Variants in SP110 observed in about 807,000 individuals in gnomAD.
The protein encoded by SP110 is interferon-induced protein 41, 30kD.
SP110 carries 62 observed loss-of-function variants against 92.7 expected under a neutral mutation model. That is an observed-to-expected ratio of 0.67 (90% CI 0.55 to 0.83). SP110 has a LOEUF of 0.83. Among genes scored for constraint, SP110 ranks in the 40% least tolerant of loss-of-function variants. The pLI, the probability that SP110 is intolerant of heterozygous loss-of-function variation, is 0.00. For synonymous variants in SP110, 273 were observed against 305.3 expected (o/e 0.89, Z 1.10); for missense variants, 793 against 863.9 (o/e 0.92, Z 1.03).
chr2:230,209,746 G>A (rs1242087749), intron 7 of SP110, among the ~76,000 whole-genome samples, 185 bp downstream of exon 7: 2 of 152,178 alleles, frequency 1.3e-5, no homozygotes, highest in Non-Finnish European at 2.9e-5. Flanking sequence ...ATGCCTTCTG[G>A]TTTCCTGATA....
chr2:230,211,540 G>A lies in SP110; in HGVS notation c.681C>T (p.Asn227=). The change falls in exon 6 of 19, where the codon AAC becomes AAT. Residue 227 remains asparagine (N), a synonymous_variant. Coordinates refer to ENST00000258381, the MANE Select transcript of SP110 (RefSeq NM_080424.4). This position sits in a 1 kb window ranked among gnomAD's most constrained non-coding sequence, Gnocchi z 4.2. ...LTSTVQVASD[N]LIPQIRDKED... is the part of the protein sequence containing the mutation. ...CTTTATCTCTTATTTGGGGGATCAG[G>A]TTGTCACTGGCCACTGAATGGAGGA... is the stretch of plus-strand genomic sequence containing the variant. 2 of 1,606,474 alleles carry A rather than the reference G, an allele frequency of 1.2e-6. No homozygotes were observed.
At chr2:230,205,327 A>C (rs956602084) in intron 8 of SP110, among the ~76,000 whole-genome samples, 1 of 152,128 alleles carries the variant, frequency 6.6e-6, no homozygotes, top group African/African-American at 2.4e-5. Flanking sequence ...TTTCTTCATC[A>C]TCACCAACAA....
At chr2:230,204,466 A>G (rs1348163574) in intron 8 of SP110, among the ~76,000 whole-genome samples, 1 of 151,838 alleles carries the variant, frequency 6.6e-6, no homozygotes, top group South Asian at 2.1e-4. Context: ...TTTCCCTCCA[A>G]TAACCTTTAG....
At chr2:230,176,874 C>T in intron 14 of SP110, 1 of 780,564 alleles carries the variant, frequency 1.3e-6, no homozygotes, top group South Asian at 1.6e-5. Context: ...TAGCTCCCTC[C>T]CCCAGTCAGT....
At chr2:230,208,319 A>G (rs890529135) in intron 7 of SP110, among the ~76,000 whole-genome samples, 1 of 152,214 alleles carries the variant, frequency 6.6e-6, no homozygotes, top group African/African-American at 2.4e-5. Flanking sequence ...GGAGAGAGAT[A>G]TGGAAGTAGT....
rs1449007288 is a variant in SP110, at chr2:230,212,984, T to A, written c.360A>T (p.Leu120=). The change falls in exon 4 of 19, where the codon CTA becomes CTT. Residue 120 remains leucine (L), a synonymous_variant. Transcript: ENST00000258381. The stretch of plus-strand genomic sequence containing the variant: ...CTGCTAGGCCAGTTGGGGCTTCAAG[T>A]AGGATTGGTGTGTCTCTGCTCTGCC... ...YEWQSRDTPI[L]LEAPTGLAEG... is the part of the protein sequence containing the mutation. 6.2e-7 allele frequency: 1 copy of A among 1,613,952 alleles called. No individual in the cohort carries two copies. The highest frequency in any genetic ancestry group is 1.1e-5 in the South Asian group (1 of 91,072).
At chr2:230,197,004 C>T (rs867408728) in intron 10 of SP110, among the ~76,000 whole-genome samples, 7 of 150,798 alleles carry the variant, frequency 4.6e-5, no homozygotes, top group South Asian at 2.1e-4. Context: ...AATAAACATA[C>T]GTGTGCATGT....
In SP110 at chr2:230,177,808, T is replaced by A. The variant is rs1195936166; in HGVS notation, c.1448-128A>T. 2.8e-6 allele frequency: 3 copies of A among 1,087,780 alleles called. 1 individual carries two copies. The Admixed American group carries it at 5.1e-5, about 18-fold the overall frequency. The allele number at this position is 1,087,780 out of a possible 1,614,324, so 67.4% of individuals were successfully genotyped here. On this transcript the variant is annotated intron_variant, in intron 13 of 18. Coordinates refer to ENST00000258381, the MANE Select transcript of SP110 (RefSeq NM_080424.4). The stretch of plus-strand genomic sequence containing the variant: ...GACTTCCTCTGTGAGGTGGAAGGAG[T>A]AGCAGGGGAGTCTGCGGGCCTCTTC...
intron 10 of SP110, among the ~76,000 whole-genome samples, chr2:230,196,487 TG>T (rs2042877828): frequency 6.6e-6 from 1 of 151,886 alleles, no homozygotes; most frequent in Admixed American, 6.6e-5. Context: ...AAAAATAAAG[TG>T]GGGGAAGCAG....
intron 10 of SP110, among the ~76,000 whole-genome samples, chr2:230,193,171 C>A (rs769094579): frequency 6.6e-6 from 1 of 152,066 alleles, no homozygotes; most frequent in African/African-American, 2.4e-5. Context: ...AGAAAAGCTA[C>A]TCCTGTTTAC....
chr2:230,204,390 G>A (rs547205401), intron 8 of SP110, among the ~76,000 whole-genome samples: 1 of 152,300 alleles, frequency 6.6e-6, no homozygotes, highest in African/African-American at 2.4e-5. Flanking sequence ...TGGCCACGGG[G>A]TGTGCAGAGT....
At chr2:230,201,860 A>T (rs2043214297) in intron 9 of SP110, among the ~76,000 whole-genome samples, 1 of 152,260 alleles carries the variant, frequency 6.6e-6, no homozygotes, top group South Asian at 2.1e-4. Flanking sequence ...CTAATATTTA[A>T]GAAACTATCA....
At chr2:230,223,625 A>G (rs540619659), upstream of SP110, among the ~76,000 whole-genome samples, 10 of 152,354 alleles carry the variant, frequency 6.6e-5, no homozygotes, top group South Asian at 1.9e-3. Flanking sequence ...AATATGATCA[A>G]TCTGGGATTG....
At chr2:230,171,914 TTTG>T in intron 16 of SP110, 147 bp from the exon 17 acceptor site, 1 of 851,698 alleles carries the variant, frequency 1.2e-6, no homozygotes, top group East Asian at 2.5e-5. Context: ...TGTGTGGGAT[TTTG>T]TTTAGACTCT....
chr2:230,209,869 A>C, intron 7 of SP110, 62 bp downstream of exon 7: 2 of 977,136 alleles, frequency 2.0e-6, no homozygotes, highest in Non-Finnish European at 3.3e-6. Flanking sequence ...ATACAGTCAG[A>C]AAAACAGAAA....
upstream of SP110, among the ~76,000 whole-genome samples, chr2:230,222,521 C>G (rs1227596726): frequency 6.6e-6 from 1 of 152,062 alleles, no homozygotes; most frequent in Non-Finnish European, 1.5e-5. Flanking sequence ...GTGTTTGAGA[C>G]CAGCCTGGAC....
At chr2:230,171,562 C>T (rs2078441049) in intron 17 of SP110, 134 bp downstream of exon 17, 4 of 749,362 alleles carry the variant, frequency 5.3e-6, no homozygotes, top group Non-Finnish European at 7.3e-6. Flanking sequence ...ATCCCTGCTG[C>T]CCCGCTCCAC....
chr2:230,194,911 G>A (rs895225750), intron 10 of SP110, among the ~76,000 whole-genome samples: 4 of 152,182 alleles, frequency 2.6e-5, no homozygotes, highest in Admixed American at 6.5e-5. Flanking sequence ...TCTACTGATG[G>A]GGTGGCCTAG....
rs2078347216 is a variant in SP110, at chr2:230,168,433, A to G, written c.*691T>C. 6.6e-6 allele frequency: 1 copy of G among 152,088 alleles called. No homozygotes were observed. Among genetic ancestry groups the G allele is most frequent in the African/African-American group, 2.4e-5 (1 of 41,414 alleles). 9.4% of individuals were successfully genotyped at this position (152,088 alleles called of 1,614,324 possible). A position where few individuals can be genotyped will look rare whatever the true frequency, so the allele number is the denominator to read the frequency against. On this transcript the variant is annotated 3_prime_UTR_variant, in exon 19 of 19. Coordinates refer to ENST00000258381, the MANE Select transcript of SP110 (RefSeq NM_080424.4). ...AAAAACCTGAATCTCATCATTTTGC[A>G]ACCTCTGATGATATCACGGATTTAG...
Sources: gnomAD v4.1 joint callset for allele counts (sites outside exome capture counted in the v4.1 genomes callset) on GRCh38, gnomAD v4.1.1 for gene constraint, Gnocchi (gnomAD v3.1) non-coding constraint, MANE v1.5 for transcripts, NCBI Gene and HGNC (gene_info 2026-07-23, HGNC 2026-07-21) for gene names.